The following SEPHS2 variants were observed in gnomAD, a reference collection of about 807,000 sequenced individuals.
SEPHS2 encodes selenophosphate synthetase 2.
Under a neutral mutation model 23.9 loss-of-function variants are expected in SEPHS2, and 11 were observed. The observed-to-expected ratio is 0.46, with a 90% CI of 0.29 to 0.76. The LOEUF (loss-of-function observed/expected upper bound fraction) is 0.76, where lower values mean the gene tolerates loss of function less well. SEPHS2 is among the 30% of genes least tolerant of loss of function. The pLI is 0.10. For synonymous variants in SEPHS2, 239 were observed against 247.5 expected (o/e 0.97, Z 0.32); for missense variants, 541 against 592.5 (o/e 0.91, Z 0.90).
Position 30,444,929 on chromosome 16 carries a change from C to A in SEPHS2, c.799G>T (p.Asp267Tyr). ...QVAVNAHQWLDNPERWNKVKM... is the reference protein window; with the variant it reads ...QVAVNAHQWLYNPERWNKVKM... Reference sequence around the variant, plus strand: ...ACTTTATTCCATCTTTCAGGATTATCCAGCCATTGGTGGGCATTGACAGCA... The same window carrying A: ...ACTTTATTCCATCTTTCAGGATTATACAGCCATTGGTGGGCATTGACAGCA... The change falls in exon 1 of 1, where the codon GAT becomes TAT. Residue 267 changes from aspartate to tyrosine, a missense_variant. Asp to Tyr is a radical substitution (Grantham distance 160). Transcript: ENST00000478753. The surrounding 1 kb of genome is among the most constrained non-coding windows in gnomAD (Gnocchi z 4.0). 6.2e-7 allele frequency: 1 copy of A among 1,614,128 alleles called. No homozygotes were observed. Among genetic ancestry groups the A allele is most frequent in the Non-Finnish European group, 8.5e-7 (1 of 1,180,028 alleles).
rs933873406 is a variant in SEPHS2, at chr16:30,445,695, T to G, written c.33A>C (p.Gly11=). The G allele has an allele frequency of 6.5e-6, 10 of 1,538,522 alleles. No homozygotes were observed. The highest frequency in any genetic ancestry group is 2.5e-5 in the East Asian group (1 of 40,516). Residue 11 remains glycine, a synonymous_variant, in exon 1 of 1, where the codon GGA becomes GGC. Transcript: ENST00000478753. MAEASATGAC[G]EAMAAAEGSS... Reference sequence around the variant, plus strand: ...AGCCTTCCGCCGCTGCCATCGCCTCTCCGCAGGCGCCCGTCGCCGAGGCTT... The same window carrying G: ...AGCCTTCCGCCGCTGCCATCGCCTCGCCGCAGGCGCCCGTCGCCGAGGCTT...
In SEPHS2 at chr16:30,444,461, T is replaced by A; in HGVS notation, c.1267A>T (p.Ile423Phe). 6.2e-7 allele frequency: 1 copy of A among 1,605,578 alleles called. No homozygotes were observed. Among genetic ancestry groups the A allele is most frequent in the South Asian group, 1.1e-5 (1 of 90,750 alleles). ...TARIIDKPRV[I>F]EVLPRGATAA... is the part of the protein sequence containing the mutation. Reference sequence around the variant, plus strand: ...GTGGCCCCACGAGGCAGGACTTCAATAACTCGCGGCTTGTCAATGATCCGG... The same window carrying A: ...GTGGCCCCACGAGGCAGGACTTCAAAAACTCGCGGCTTGTCAATGATCCGG... Residue 423 changes from isoleucine (I) to phenylalanine (F), a missense_variant, in exon 1 of 1, where the codon ATT (isoleucine) becomes TTT (phenylalanine). By Grantham distance (21) the Ile-to-Phe change is conservative. Around this residue, in one of 3 missense-constraint regions of SEPHS2, gnomAD observed 224 missense variants for 237.4 expected, o/e 0.94. Transcript: ENST00000478753. The surrounding 1 kb of genome is among the most constrained non-coding windows in gnomAD (Gnocchi z 4.0).
Position 30,445,853 on chromosome 16 carries a change from C to G in SEPHS2, c.-126G>C. 1 of 1,254,598 alleles carries G rather than the reference C, an allele frequency of 8.0e-7. No individual in the cohort carries two copies. 77.7% of individuals were successfully genotyped at this position (1,254,598 alleles called of 1,614,324 possible). On this transcript the variant is annotated 5_prime_UTR_variant, in exon 1 of 1. Transcript: ENST00000478753. ...CCTAGCGCTACTCAAGCCGTCAGACCCACGGCATGCACAATCTTCCTGATA... is the reference window on the plus strand; with the variant it reads ...CCTAGCGCTACTCAAGCCGTCAGACGCACGGCATGCACAATCTTCCTGATA...
chr16:30,444,403 G>A lies in SEPHS2; in HGVS notation c.1325C>T (p.Ala442Val). 3 of 1,604,240 alleles carry A rather than the reference G, an allele frequency of 1.9e-6. No individual in the cohort carries two copies. The highest frequency in any genetic ancestry group is 2.6e-6 in the Non-Finnish European group (3 of 1,173,860). ...ATCTCACGAGCTAGGCTCAGAGGAGGCATTTGAACTGTCAGGAGCAAGAAC... is the reference window on the plus strand; with the variant it reads ...ATCTCACGAGCTAGGCTCAGAGGAGACATTTGAACTGTCAGGAGCAAGAAC... ...AAVLAPDSSN[A>V]SSEPSS The change falls in exon 1 of 1, where the codon GCC becomes GTC. Residue 442 changes from alanine to valine, a missense_variant. Coordinates refer to ENST00000478753, the MANE Select transcript of SEPHS2 (RefSeq NM_012248.4). The surrounding 1 kb of genome is among the most constrained non-coding windows in gnomAD (Gnocchi z 4.0).
chr16:30,444,637 T>C lies in SEPHS2; in HGVS notation c.1091A>G (p.Gln364Arg). Residue 364 changes from glutamine (Q) to arginine (R), a missense_variant, in exon 1 of 1, where the codon CAA (glutamine) becomes CGA (arginine). Physicochemically the swap from Gln to Arg is conservative, Grantham distance 43. This residue lies in a region of SEPHS2 where 224 missense variants were observed against 237.4 expected (regional missense o/e 0.94). Transcript: ENST00000478753. This position sits in a 1 kb window ranked among gnomAD's most constrained non-coding sequence, Gnocchi z 4.0. Reference sequence around the variant, plus strand: ...CCCAGAGGTTTCAGCTGAGGTTCCTTGAAGAAGCCCAAACCGTCCACTGGC... The same window carrying C: ...CCCAGAGGTTTCAGCTGAGGTTCCTCGAAGAAGCCCAAACCGTCCACTGGC... The part of the protein sequence containing the change: ...SKASGRFGLL[Q>R]GTSAETSGGL... The C allele has an allele frequency of 6.2e-7, 1 of 1,614,016 alleles. No homozygotes were observed. The highest frequency in any genetic ancestry group is 8.5e-7 in the Non-Finnish European group (1 of 1,179,888).
At position 30,444,531 on chromosome 16, in the gene SEPHS2, G is replaced by A; in HGVS notation, c.1197C>T (p.His399=). ...CCACAATGCCAACGATCCACGCTTGGTGACCCTCTCCGTACTTGGAGGATT... is the reference window on the plus strand; with the variant it reads ...CCACAATGCCAACGATCCACGCTTGATGACCCTCTCCGTACTTGGAGGATT... The part of the protein sequence containing the change: ...EIKSSKYGEG[H]QAWIVGIVEK... The change falls in exon 1 of 1, where the codon CAC becomes CAT. Residue 399 remains histidine, a synonymous_variant. Transcript: ENST00000478753. The surrounding 1 kb of genome is among the most constrained non-coding windows in gnomAD (Gnocchi z 4.0). The A allele has an allele frequency of 6.2e-7, 1 of 1,614,040 alleles. No homozygotes were observed. Among genetic ancestry groups the A allele is most frequent in the East Asian group, 2.2e-5 (1 of 44,888 alleles).
In SEPHS2 at chr16:30,445,436, G is replaced by A. The variant is rs2050275247; in HGVS notation, c.292C>T (p.Gln98Ter). 1.9e-6 allele frequency: 3 copies of A among 1,566,954 alleles called. No homozygotes were observed. Among genetic ancestry groups the A allele is most frequent in the Non-Finnish European group, 2.6e-6 (3 of 1,160,630 alleles). ...GLVGGQEEAS[Q>*]EAGLPAGAGP... ...GCTCCTGCCGGCAGGCCGGCTTCCT[G>A]GGACGCCTCTTCCTGGCCACCCACC... Residue 98 changes from glutamine to a stop codon, truncating the protein, a stop_gained, in exon 1 of 1, where the codon CAG (glutamine) becomes TAG (stop). Coordinates refer to ENST00000478753, the MANE Select transcript of SEPHS2 (RefSeq NM_012248.4). LOFTEE classifies it high-confidence loss of function.
At position 30,445,213 on chromosome 16, in the gene SEPHS2, T is replaced by C. The variant is rs200420289; in HGVS notation, c.515A>G (p.Asn172Ser). The stretch of plus-strand genomic sequence containing the variant: ...GCTGACGCTGAGTAACATCAACATG[T>C]TGTCACACTCAGTAATCCCCATGGC... ...LYAMGITECD[N>S]MLMLLSVSQS... Residue 172 changes from asparagine (N) to serine (S), a missense_variant, in exon 1 of 1, where the codon AAC (asparagine) becomes AGC (serine). This residue lies in a region of SEPHS2 where 110 missense variants were observed against 173.0 expected (regional missense o/e 0.64). Coordinates refer to ENST00000478753, the MANE Select transcript of SEPHS2 (RefSeq NM_012248.4). The C allele has an allele frequency of 6.2e-5, 100 of 1,614,130 alleles. No homozygotes were observed. The highest frequency in any genetic ancestry group is 7.5e-5 in the Non-Finnish European group (89 of 1,180,046).
chr16:30,445,860 A>G lies in SEPHS2; in HGVS notation c.-133T>C. ...CTACTCAAGCCGTCAGACCCACGGC[A>G]TGCACAATCTTCCTGATAGAGGAGC... is the stretch of plus-strand genomic sequence containing the variant. On this transcript the variant is annotated 5_prime_UTR_variant, in exon 1 of 1. The change abolishes an upstream ATG in the 5' untranslated region. Transcript: ENST00000478753. 8.2e-7 allele frequency: 1 copy of G among 1,220,258 alleles called. No homozygotes were observed. 75.6% of individuals were successfully genotyped at this position (1,220,258 alleles called of 1,614,324 possible).
Position 30,444,627 on chromosome 16 carries a change from T to G in SEPHS2, c.1101A>C (p.Ser367=). 1 of 1,614,132 alleles carries G rather than the reference T, an allele frequency of 6.2e-7. No individual in the cohort carries two copies. The highest frequency in any genetic ancestry group is 2.2e-5 in the East Asian group (1 of 44,894). ...SGRFGLLQGT[S]AETSGGLLIC... is the part of the protein sequence containing the mutation. Reference sequence around the variant, plus strand: ...TCAGTAATCCCCCAGAGGTTTCAGCTGAGGTTCCTTGAAGAAGCCCAAACC... The same window carrying G: ...TCAGTAATCCCCCAGAGGTTTCAGCGGAGGTTCCTTGAAGAAGCCCAAACC... Residue 367 remains serine (S), a synonymous_variant, in exon 1 of 1, where the codon TCA becomes TCC. Coordinates refer to ENST00000478753, the MANE Select transcript of SEPHS2 (RefSeq NM_012248.4). This position sits in a 1 kb window ranked among gnomAD's most constrained non-coding sequence, Gnocchi z 4.0.
Position 30,444,111 on chromosome 16 carries a change from AT to A in SEPHS2, c.*269del. On this transcript the variant is annotated 3_prime_UTR_variant, in exon 1 of 1. Transcript: ENST00000478753. The surrounding 1 kb of genome is among the most constrained non-coding windows in gnomAD (Gnocchi z 4.0). Reference sequence around the variant, plus strand: ...AAATCCCTCAACCTGGAATAGCTTCATCTTACTTTGGCAAGAGAAAACAGAG... The same window carrying A: ...AAATCCCTCAACCTGGAATAGCTTCACTTACTTTGGCAAGAGAAAACAGAG... 1 of 319,874 alleles carries A rather than the reference AT, an allele frequency of 3.1e-6. No individual in the cohort carries two copies. Among genetic ancestry groups the A allele is most frequent in the Non-Finnish European group, 5.7e-6 (1 of 175,680 alleles). The allele number at this position is 319,874 out of a possible 1,614,324, so 19.8% of individuals were successfully genotyped here.
chr16:30,444,588 T>C lies in SEPHS2; in HGVS notation c.1140A>G (p.Arg380=). 1 of 1,614,236 alleles carries C rather than the reference T, an allele frequency of 6.2e-7. No individual in the cohort carries two copies. The highest frequency in any genetic ancestry group is 8.5e-7 in the Non-Finnish European group (1 of 1,180,046). ...TSGGLLICLP[R]EQAARFCSEI... is the part of the protein sequence containing the mutation. ...CAGAACAAAAGCGAGCCGCCTGTTCTCTTGGCAGACAAATCAGTAATCCCC... is the reference window on the plus strand; with the variant it reads ...CAGAACAAAAGCGAGCCGCCTGTTCCCTTGGCAGACAAATCAGTAATCCCC... The change falls in exon 1 of 1, where the codon AGA becomes AGG. Residue 380 remains arginine (R), a synonymous_variant. Transcript: ENST00000478753. The surrounding 1 kb of genome is among the most constrained non-coding windows in gnomAD (Gnocchi z 4.0).
chr16:30,445,666 G>A lies in SEPHS2; in HGVS notation c.62C>T (p.Ser21Leu), dbSNP rs2050277476. Residue 21 changes from serine (S) to leucine (L), a missense_variant, in exon 1 of 1, where the codon TCG becomes TTG. Coordinates refer to ENST00000478753, the MANE Select transcript of SEPHS2 (RefSeq NM_012248.4). ...GCCCAGAGTCAAGCCCGCCGGGCCC[G>A]AGGAGCCTTCCGCCGCTGCCATCGC... ...GEAMAAAEGSSGPAGLTLGRS... is the reference protein window; with the variant it reads ...GEAMAAAEGSLGPAGLTLGRS... The A allele has an allele frequency of 1.3e-6, 2 of 1,535,756 alleles. No individual in the cohort carries two copies. Among genetic ancestry groups the A allele is most frequent in the Non-Finnish European group, 1.7e-6 (2 of 1,145,740 alleles).
Position 30,445,552 on chromosome 16 carries a change from C to T in SEPHS2, c.176G>A (p.Gly59Asp). 6.5e-7 allele frequency: 1 copy of T among 1,535,990 alleles called. No individual in the cohort carries two copies. The highest frequency in any genetic ancestry group is 8.7e-7 in the Non-Finnish European group (1 of 1,146,824). Residue 59 changes from glycine to aspartate, a missense_variant, in exon 1 of 1, where the codon GGC (glycine) becomes GAC (aspartate). Physicochemically the swap from Gly to Asp is moderately conservative, Grantham distance 94 (BLOSUM62 -1). Transcript: ENST00000478753. Reference protein sequence around the residue: ...WRLTGFSGMKGUGCKVPQEAL... With the variant: ...WRLTGFSGMKDUGCKVPQEAL... ...CTCCTGCGGGACCTTGCAGCCTCAG[C>T]CCTTCATGCCGGAGAAGCCCGTCAG...
Position 30,444,923 on chromosome 16 carries a change from G to C in SEPHS2, c.805C>G (p.Pro269Ala), listed in dbSNP as rs1804600. ...ATCTTTACTTTATTCCATCTTTCAG[G>C]ATTATCCAGCCATTGGTGGGCATTG... The part of the protein sequence containing the change: ...AVNAHQWLDN[P>A]ERWNKVKMVV... The change falls in exon 1 of 1, where the codon CCT becomes GCT. Residue 269 changes from proline to alanine, a missense_variant. Coordinates refer to ENST00000478753, the MANE Select transcript of SEPHS2 (RefSeq NM_012248.4). The surrounding 1 kb of genome is among the most constrained non-coding windows in gnomAD (Gnocchi z 4.0). The C allele has an allele frequency of 2.0e-3, 3,208 of 1,614,068 alleles. 58 individuals are homozygous for C. The African/African-American group carries it at 0.038, about 19-fold the overall frequency.
Position 30,445,745 on chromosome 16 carries a change from G to A in SEPHS2, c.-18C>T, listed in dbSNP as rs1179620089. 9 of 1,536,584 alleles carry A rather than the reference G, an allele frequency of 5.9e-6. No individual in the cohort carries two copies. In the Admixed American group the frequency reaches 1.3e-4, roughly 21 times the overall value. On this transcript the variant is annotated 5_prime_UTR_variant, in exon 1 of 1. Transcript: ENST00000478753. Reference sequence around the variant, plus strand: ...TCCGCCATGGCGCCTGCCCGGCAGGGAAGCGAGAGGAGAAGAGGGCCCTTT... The same window carrying A: ...TCCGCCATGGCGCCTGCCCGGCAGGAAAGCGAGAGGAGAAGAGGGCCCTTT...
Position 30,445,846 on chromosome 16 carries a change from G to T in SEPHS2, c.-119C>A, listed in dbSNP as rs767460308. 9 of 1,314,086 alleles carry T rather than the reference G, an allele frequency of 6.8e-6. No individual in the cohort carries two copies. The highest frequency in any genetic ancestry group is 6.4e-5 in the Admixed American group (2 of 31,426). The allele number at this position is 1,314,086 out of a possible 1,614,324, so 81.4% of individuals were successfully genotyped here. A position where few individuals can be genotyped will look rare whatever the true frequency, so the allele number is the denominator to read the frequency against. Reference sequence around the variant, plus strand: ...GATTCTCCCTAGCGCTACTCAAGCCGTCAGACCCACGGCATGCACAATCTT... The same window carrying T: ...GATTCTCCCTAGCGCTACTCAAGCCTTCAGACCCACGGCATGCACAATCTT... On this transcript the variant is annotated 5_prime_UTR_variant, in exon 1 of 1. Transcript: ENST00000478753.
Position 30,444,345 on chromosome 16 carries a change from T to C in SEPHS2, c.*36A>G, listed in dbSNP as rs1199197995. Reference sequence around the variant, plus strand: ...GAGAACCATCCGTGATTGTGGACAATGGCTCTAAGGTCCAAACAACTTCTG... The same window carrying C: ...GAGAACCATCCGTGATTGTGGACAACGGCTCTAAGGTCCAAACAACTTCTG... On this transcript the variant is annotated 3_prime_UTR_variant, in exon 1 of 1. Transcript: ENST00000478753. This position sits in a 1 kb window ranked among gnomAD's most constrained non-coding sequence, Gnocchi z 4.0. The C allele has an allele frequency of 1.6e-5, 25 of 1,543,670 alleles. No individual in the cohort carries two copies. The highest frequency in any genetic ancestry group is 2.8e-5 in the African/African-American group (2 of 72,348).
rs751712285 is a variant in SEPHS2, at chr16:30,444,284, G to C, written c.*97C>G. 10 of 1,304,506 alleles carry C rather than the reference G, an allele frequency of 7.7e-6. No individual in the cohort carries two copies. In the South Asian group the frequency reaches 1.3e-4, roughly 17 times the overall value. The allele number at this position is 1,304,506 out of a possible 1,614,324, so 80.8% of individuals were successfully genotyped here. On this transcript the variant is annotated 3_prime_UTR_variant, in exon 1 of 1. Transcript: ENST00000478753. This position sits in a 1 kb window ranked among gnomAD's most constrained non-coding sequence, Gnocchi z 4.0. ...AAGGGCAGCCGGAACCACTATGCAG[G>C]CAGCCTTCTTTGGAAATTTCTTACA...
Sources: gnomAD v4.1 joint callset for allele counts on GRCh38, gnomAD v4.1.1 for gene constraint, gnomAD v4.1.1 regional missense constraint, Gnocchi (gnomAD v3.1) non-coding constraint, MANE v1.5 for transcripts, NCBI Gene and HGNC (gene_info 2026-07-23, HGNC 2026-07-21) for gene names.